The following SLC5A12 variants were observed in gnomAD, a reference collection of about 807,000 sequenced individuals.
SLC5A12 encodes the protein sodium-coupled monocarboxylate transporter 2.
A neutral mutation model predicts 72.7 loss-of-function variants in SLC5A12; 46 were observed. The ratio of observed to expected loss-of-function variants is 0.63; its 90% CI spans 0.50 to 0.81. The LOEUF (loss-of-function observed/expected upper bound fraction) is 0.81, where lower values mean the gene tolerates loss of function less well. SLC5A12 is among the 30% of genes least tolerant of loss of function. The pLI is 0.00. For missense variants in SLC5A12, 683 were observed against 740.7 expected, an observed-to-expected ratio of 0.92 and a Z score of 0.90; for synonymous variants, 275 against 264.4, an observed-to-expected ratio of 1.04 and a Z score of -0.39.
intron 6 of SLC5A12, 120 bp from the exon 7 acceptor site, chr11:26,698,655 A>G (rs983580178): frequency 4.5e-6 from 4 of 895,644 alleles, no homozygotes; most frequent in Non-Finnish European, 6.4e-6. Context: ...ATAAAATTCT[A>G]TAGCCTTTAA....
At chr11:26,713,266 T>C (rs1855274787) in intron 1 of SLC5A12, among the ~76,000 whole-genome samples, 1 of 152,104 alleles carries the variant, frequency 6.6e-6, no homozygotes, top group Non-Finnish European at 1.5e-5. Flanking sequence ...AAACCTTCCA[T>C]TGTCGGATCC....
Position 26,683,739 on chromosome 11 carries a change from G to T in SLC5A12, c.1308+18C>A, listed in dbSNP as rs376574221. 6.4e-7 allele frequency: 1 copy of T among 1,564,490 alleles called. No homozygotes were observed. The highest frequency in any genetic ancestry group is 8.7e-7 in the Non-Finnish European group (1 of 1,151,880). On this transcript the variant is annotated intron_variant, in intron 11 of 14. Transcript: ENST00000396005. ...CAGTTTTGACTGGGAATTGTGAAGA[G>T]GGCTGTGGGATCCTTACCTTCCAAT... is the stretch of plus-strand genomic sequence containing the variant.
chr11:26,703,824 A>G lies in SLC5A12; in HGVS notation c.649T>C (p.Ser217Pro). ...ATATGTAGTCGAGATCCATTTGTTG[A>G]TTGCTCTAATACATTGTGGAATCCC... ...AGGFHNVLEQ[S>P]TNGSRLHIFD... is the part of the protein sequence containing the mutation. The change falls in exon 5 of 15, where the codon TCA becomes CCA. Residue 217 changes from serine to proline, a missense_variant. Coordinates refer to ENST00000396005, the MANE Select transcript of SLC5A12 (RefSeq NM_178498.4). The G allele has an allele frequency of 6.2e-7, 1 of 1,613,922 alleles. No individual in the cohort carries two copies. Among genetic ancestry groups the G allele is most frequent in the South Asian group, 1.1e-5 (1 of 91,076 alleles).
chr11:26,686,179 G>A (rs567273830), intron 10 of SLC5A12, among the ~76,000 whole-genome samples: 1 of 152,202 alleles, frequency 6.6e-6, no homozygotes, highest in South Asian at 2.1e-4. Context: ...TCTCAGATCA[G>A]AATTTTTAAG....
At chr11:26,714,221 T>C (rs898786013) in intron 1 of SLC5A12, among the ~76,000 whole-genome samples, 1 of 152,172 alleles carries the variant, frequency 6.6e-6, no homozygotes, top group Non-Finnish European at 1.5e-5. Context: ...AATATACAAG[T>C]ACTGTTCTAT....
At chr11:26,713,580 T>G (rs1361784921) in intron 1 of SLC5A12, among the ~76,000 whole-genome samples, 5 of 152,156 alleles carry the variant, frequency 3.3e-5, no homozygotes, top group Admixed American at 3.3e-4. Context: ...CAATTGCTAT[T>G]CCTGGCTCTG....
At chr11:26,688,885 G>C (rs1214673119) in intron 9 of SLC5A12, among the ~76,000 whole-genome samples, 1 of 152,008 alleles carries the variant, frequency 6.6e-6, no homozygotes, top group East Asian at 1.9e-4. Flanking sequence ...TACACAAGAA[G>C]ACTTGTGCAA....
intron 6 of SLC5A12, among the ~76,000 whole-genome samples, chr11:26,699,632 C>A (rs1351524422): frequency 6.6e-6 from 1 of 152,096 alleles, no homozygotes; most frequent in Non-Finnish European, 1.5e-5. Context: ...ATAAAATGAG[C>A]AATACCGATA....
At chr11:26,706,908 A>C (rs1332876972) in intron 4 of SLC5A12, among the ~76,000 whole-genome samples, 2 of 151,476 alleles carry the variant, frequency 1.3e-5, no homozygotes, top group African/African-American at 2.4e-5. Flanking sequence ...TTTCATACCA[A>C]AAATAGTTTA....
intron 8 of SLC5A12, 67 bp downstream of exon 8, chr11:26,697,097 G>T: frequency 1.5e-6 from 2 of 1,336,812 alleles, no homozygotes; most frequent in South Asian, 2.5e-5. Flanking sequence ...AAATATTGTT[G>T]ATCACTACAC....
chr11:26,701,647 T>C (rs1298501668), intron 6 of SLC5A12, among the ~76,000 whole-genome samples: 1 of 152,226 alleles, frequency 6.6e-6, no homozygotes, highest in Non-Finnish European at 1.5e-5. Context: ...TATAATTTTA[T>C]TACTTGGCCT....
chr11:26,702,726 A>C (rs1854987444), intron 6 of SLC5A12, among the ~76,000 whole-genome samples: 1 of 152,156 alleles, frequency 6.6e-6, no homozygotes, highest in Admixed American at 6.5e-5. Flanking sequence ...GGCTTGCTAC[A>C]TTACCCTCTG....
At chr11:26,696,459 C>T (rs1268128854) in intron 8 of SLC5A12, among the ~76,000 whole-genome samples, 1 of 152,154 alleles carries the variant, frequency 6.6e-6, no homozygotes, top group Admixed American at 6.5e-5. Flanking sequence ...AATAGCAAGG[C>T]TGTGCTCTGA....
intron 10 of SLC5A12, among the ~76,000 whole-genome samples, chr11:26,685,290 G>T (rs1854501793): frequency 6.6e-6 from 1 of 152,110 alleles, no homozygotes; most frequent in Admixed American, 6.6e-5. Flanking sequence ...AACATTTATT[G>T]AAAACTTATG....
At chr11:26,698,203 G>A (rs1022434175) in intron 7 of SLC5A12, among the ~76,000 whole-genome samples, 8 of 151,966 alleles carry the variant, frequency 5.3e-5, no homozygotes, top group Non-Finnish European at 1.0e-4. Flanking sequence ...TGGCCAAGGT[G>A]CCCTCTTTTT....
intron 13 of SLC5A12, among the ~76,000 whole-genome samples, chr11:26,674,509 C>G (rs1429862398): frequency 6.6e-6 from 1 of 152,102 alleles, no homozygotes; most frequent in East Asian, 1.9e-4. Context: ...AAGTGATTCT[C>G]CTGCCTCAGC....
At chr11:26,703,425 T>TACACACACAC (rs10594778) in intron 6 of SLC5A12, 106 bp downstream of exon 6, 6 of 882,620 alleles carry the variant, frequency 6.8e-6, no homozygotes, top group Non-Finnish European at 8.6e-6. Context: ...CACACATACA[T>TACACACACAC]ACACACACAC....
chr11:26,698,130 T>C (rs1291996952), intron 7 of SLC5A12, among the ~76,000 whole-genome samples: 1 of 151,972 alleles, frequency 6.6e-6, no homozygotes, highest in Non-Finnish European at 1.5e-5. Flanking sequence ...ACTCCTGAGC[T>C]CAGGTGATCT....
chr11:26,706,116 C>T (rs1205882338), intron 4 of SLC5A12, among the ~76,000 whole-genome samples: 1 of 152,016 alleles, frequency 6.6e-6, no homozygotes, highest in Non-Finnish European at 1.5e-5. Flanking sequence ...TTCTCTTTCA[C>T]TGGTTATTTT....
Sources: gnomAD v4.1 joint callset for allele counts (sites outside exome capture counted in the v4.1 genomes callset) on GRCh38, gnomAD v4.1.1 for gene constraint, MANE v1.5 for transcripts, NCBI Gene and HGNC (gene_info 2026-07-23, HGNC 2026-07-21) for gene names.